The following RMDN2 variants were observed in gnomAD, a reference collection of about 807,000 sequenced individuals.
The protein encoded by RMDN2 is regulator of microtubule dynamics 2, also known as regulator of microtubule dynamics protein 2.
Under a neutral mutation model 52.8 loss-of-function variants are expected in RMDN2, and 61 were observed. That is an observed-to-expected ratio of 1.16 (90% CI 0.94 to 1.43). The LOEUF (loss-of-function observed/expected upper bound fraction) is 1.43. Among genes scored for constraint, RMDN2 ranks in the 40% most tolerant of loss-of-function variants. The pLI is 0.00. For missense variants in RMDN2, 592 were observed against 475.3 expected, an observed-to-expected ratio of 1.25 and a Z score of -2.28; for synonymous variants, 180 against 153.1, an observed-to-expected ratio of 1.18 and a Z score of -1.30.
At chr2:37,990,236 C>T (rs909030386) in intron 6 of RMDN2, among the ~76,000 whole-genome samples, 3 of 150,812 alleles carry the variant, frequency 2.0e-5, no homozygotes, top group African/African-American at 4.9e-5. Flanking sequence ...AAGAATTAGC[C>T]GGCCGGGTGT....
intron 2 of RMDN2, among the ~76,000 whole-genome samples, chr2:37,954,809 C>T (rs1669250310): frequency 6.6e-6 from 1 of 152,068 alleles, no homozygotes; most frequent in South Asian, 2.1e-4. Context: ...GACATCTTAA[C>T]ATTATAAACT....
intron 10 of RMDN2, among the ~76,000 whole-genome samples, chr2:38,066,281 G>C (rs1369416236): frequency 1.3e-5 from 2 of 152,174 alleles, no homozygotes; most frequent in Non-Finnish European, 1.5e-5. Flanking sequence ...TGCATGAAGA[G>C]CACAGCATTT....
At chr2:37,993,817 C>T (rs1675149023) in intron 7 of RMDN2, among the ~76,000 whole-genome samples, 1 of 152,010 alleles carries the variant, frequency 6.6e-6, no homozygotes, top group Non-Finnish European at 1.5e-5. Context: ...AAGCTTACAG[C>T]AGTGAAAATT....
upstream of RMDN2, chr2:37,925,218 C>T (rs894444588): frequency 7.2e-5 from 11 of 152,260 alleles, no homozygotes; most frequent in African/African-American, 2.2e-4. Context: ...GTTGAACCCA[C>T]CACGAGAGGG....
intron 7 of RMDN2, among the ~76,000 whole-genome samples, chr2:37,993,271 C>T (rs1450640166): frequency 6.6e-6 from 1 of 152,088 alleles, no homozygotes; most frequent in Non-Finnish European, 1.5e-5. Flanking sequence ...GTAAGCTCTA[C>T]TGCCTATAAA....
At chr2:37,953,059 A>G (rs1389895570) in intron 2 of RMDN2, 1 of 151,982 alleles carries the variant, frequency 6.6e-6, no homozygotes, top group African/African-American at 2.4e-5. Flanking sequence ...CATTATTTCT[A>G]ATTATCCTAA....
intron 2 of RMDN2, among the ~76,000 whole-genome samples, chr2:37,961,550 T>C (rs1670241616): frequency 6.6e-6 from 1 of 152,028 alleles, no homozygotes; most frequent in Non-Finnish European, 1.5e-5. Flanking sequence ...AGGTCATTTA[T>C]GTTCTTCCCT....
intron 7 of RMDN2, among the ~76,000 whole-genome samples, chr2:37,993,150 C>T (rs935583273): frequency 6.6e-6 from 1 of 152,132 alleles, no homozygotes; most frequent in Admixed American, 6.5e-5. Context: ...GTCTCACACT[C>T]CTGGCCTCAA....
intron 2 of RMDN2, chr2:37,951,189 G>T (rs760824163): frequency 6.0e-6 from 9 of 1,511,256 alleles, no homozygotes; most frequent in Middle Eastern, 1.9e-4. Context: ...TCTCCACTCT[G>T]CTCCCTATTT....
At chr2:37,970,459 C>A (rs532293329) in intron 2 of RMDN2, among the ~76,000 whole-genome samples, 26 of 151,996 alleles carry the variant, frequency 1.7e-4, no homozygotes, top group African/African-American at 6.0e-4. Flanking sequence ...AGGATTTTTG[C>A]ATTTATGTTT....
Position 37,981,297 on chromosome 2 carries a change from G to T in RMDN2, c.745G>T (p.Glu249Ter). The change falls in exon 5 of 11, where the codon GAA (glutamate) becomes TAA (stop). Residue 249 changes from glutamate to a stop codon, truncating the protein, a stop_gained. Coordinates refer to ENST00000354545, the MANE Select transcript of RMDN2 (RefSeq NM_001170791.3). LOFTEE classifies it high-confidence loss of function. Reference protein sequence around the residue: ...HYANIGKTLSERAINRAPMNG... With the variant: ...HYANIGKTLS ...TTATCTTTCAGGAAAAACTTTAAGT[G>T]AAAGAGCTATTAATAGAGCACCCAT... 6.2e-7 allele frequency: 1 copy of T among 1,600,966 alleles called. No individual in the cohort carries two copies. The highest frequency in any genetic ancestry group is 2.2e-5 in the East Asian group (1 of 44,756).
chr2:38,004,647 C>A (rs1298650088), intron 10 of RMDN2, among the ~76,000 whole-genome samples: 3 of 152,214 alleles, frequency 2.0e-5, no homozygotes, highest in Admixed American at 2.0e-4. Flanking sequence ...TCTTCCAGCC[C>A]CTGACAGCCA....
intron 6 of RMDN2, 56 bp downstream of exon 6, chr2:37,989,672 T>A (rs1437965433): frequency 8.8e-7 from 1 of 1,142,256 alleles, no homozygotes; most frequent in Non-Finnish European, 1.3e-6. Flanking sequence ...TGGAAGGGTA[T>A]TTATTAATAA....
chr2:38,027,127 T>C (rs567709173), intron 10 of RMDN2: 2 of 152,330 alleles, frequency 1.3e-5, no homozygotes, highest in African/African-American at 4.8e-5. Context: ...ACATCAAGTG[T>C]CTTTCAAGCC....
intron 10 of RMDN2, among the ~76,000 whole-genome samples, chr2:38,011,228 T>C (rs1677945081): frequency 6.6e-6 from 1 of 152,180 alleles, no homozygotes; most frequent in Admixed American, 6.5e-5. Flanking sequence ...ATGTTCTTGG[T>C]TTTTGGACAC....
chr2:37,981,112 G>A (rs1673255496), intron 4 of RMDN2, among the ~76,000 whole-genome samples, 171 bp from the exon 5 acceptor site: 1 of 152,216 alleles, frequency 6.6e-6, no homozygotes, highest in South Asian at 2.1e-4. Flanking sequence ...ATCCCACAGT[G>A]TGTGATGGAG....
chr2:37,963,764 A>G (rs967137938), intron 2 of RMDN2, among the ~76,000 whole-genome samples: 3 of 151,942 alleles, frequency 2.0e-5, no homozygotes, highest in Non-Finnish European at 4.4e-5. Flanking sequence ...TTTTCCCCAC[A>G]TTTCCCCCCT....
chr2:37,974,044 AT>A lies in RMDN2; in HGVS notation c.459del (p.Thr154GlnfsTer21). The A allele has an allele frequency of 6.2e-7, 1 of 1,606,786 alleles. No homozygotes were observed. The highest frequency in any genetic ancestry group is 8.5e-7 in the Non-Finnish European group (1 of 1,176,658). ...TGATTATTTCTGCGATTTTAGGTAT[AT>A]TACAGCTAATACTGACACAGAAGAA... ...SEEAESEGGY[I>X]TANTDTEEQS... On this transcript the variant is annotated frameshift_variant, in exon 3 of 11. Coordinates refer to ENST00000354545, the MANE Select transcript of RMDN2 (RefSeq NM_001170791.3). LOFTEE classifies it high-confidence loss of function.
At chr2:37,985,795 G>T (rs189266218) in intron 5 of RMDN2, among the ~76,000 whole-genome samples, 17 of 152,106 alleles carry the variant, frequency 1.1e-4, no homozygotes, top group Admixed American at 3.3e-4. Flanking sequence ...AAATATGAAA[G>T]GAAGGATGGA....
Sources: gnomAD v4.1 joint callset for allele counts (sites outside exome capture counted in the v4.1 genomes callset) on GRCh38, gnomAD v4.1.1 for gene constraint, MANE v1.5 for transcripts, NCBI Gene and HGNC (gene_info 2026-07-23, HGNC 2026-07-21) for gene names.